Variants in ZFR observed in about 807,000 individuals in gnomAD.
ZFR encodes zinc finger RNA-binding protein.
Under a neutral mutation model 130.7 loss-of-function variants are expected in ZFR, and 19 were observed. That is an observed-to-expected ratio of 0.15 (90% CI 0.10 to 0.21). ZFR has a LOEUF of 0.21. ZFR is among the 10% of genes least tolerant of loss of function. ZFR has a pLI of 1.00. For synonymous variants in ZFR, 466 were observed against 456.9 expected (o/e 1.02, Z -0.25); for missense variants, 872 against 1,321.5 (o/e 0.66, Z 5.27).
At chr5:32,440,309 C>T (rs1446008593) in intron 2 of ZFR, among the ~76,000 whole-genome samples, 1 of 152,156 alleles carries the variant, frequency 6.6e-6, no homozygotes, top group Non-Finnish European at 1.5e-5. Flanking sequence ...CATGTAAACA[C>T]ATACAAACGA....
intron 15 of ZFR, among the ~76,000 whole-genome samples, chr5:32,382,941 C>G (rs1182587624): frequency 6.6e-6 from 1 of 151,984 alleles, no homozygotes; most frequent in African/African-American, 2.4e-5. Flanking sequence ...AAAAAAAAAT[C>G]AGTTAATTTA....
intron 17 of ZFR, among the ~76,000 whole-genome samples, chr5:32,376,970 G>GA (rs57361923): frequency 0.31 from 45,282 of 144,488 alleles, 7,504 homozygotes; most frequent in Middle Eastern, 0.45. Flanking sequence ...CAAGCTGTCT[G>GA]AAAAAAAACC....
chr5:32,377,113 G>A lies in ZFR; in HGVS notation c.2835+2002C>T, dbSNP rs1211019780. ...GGAGCTTGCAGTGAGCCAAGATCGTGCCACTGCACTCCAGCCTGGGCAACA... is the reference window on the plus strand; with the variant it reads ...GGAGCTTGCAGTGAGCCAAGATCGTACCACTGCACTCCAGCCTGGGCAACA... On this transcript the variant is annotated intron_variant, in intron 17 of 19. Coordinates refer to ENST00000265069, the MANE Select transcript of ZFR (RefSeq NM_016107.5). 2.1e-4 allele frequency among the ~76,000 whole-genome samples: 31 copies of A among 149,048 alleles called. 1 individual carries two copies. Among genetic ancestry groups the A allele is most frequent in the Admixed American group, 1.2e-3 (18 of 14,940 alleles).
intron 11 of ZFR, among the ~76,000 whole-genome samples, chr5:32,394,217 C>T (rs1753244350): frequency 6.6e-6 from 1 of 152,104 alleles, no homozygotes; most frequent in Non-Finnish European, 1.5e-5. Context: ...TGTCCATCAA[C>T]TAATGAACGA....
At chr5:32,383,762 G>A (rs972003068) in intron 15 of ZFR, 2 of 456,634 alleles carry the variant, frequency 4.4e-6, no homozygotes, top group South Asian at 1.5e-5. Flanking sequence ...AATACATACC[G>A]TTATTCTGCA....
intron 2 of ZFR, among the ~76,000 whole-genome samples, chr5:32,424,205 A>G (rs1288860951): frequency 1.3e-5 from 2 of 152,236 alleles, no homozygotes; most frequent in Non-Finnish European, 2.9e-5. Flanking sequence ...CAGAGCCAGT[A>G]GACAGGGAGC....
chr5:32,402,784 G>A (rs200045652), intron 8 of ZFR, among the ~76,000 whole-genome samples: 9 of 133,660 alleles, frequency 6.7e-5, no homozygotes, highest in South Asian at 2.4e-4. Flanking sequence ...TCTCAAAAAT[G>A]AAAAAAAAAA....
At chr5:32,390,186 G>T in intron 12 of ZFR, 89 bp downstream of exon 12, 1 of 1,467,852 alleles carries the variant, frequency 6.8e-7, no homozygotes, top group Non-Finnish European at 9.2e-7. Context: ...AGATTATTAA[G>T]TCTAAACATT....
intron 17 of ZFR, among the ~76,000 whole-genome samples, chr5:32,368,596 A>AG (rs1184414782): frequency 6.6e-6 from 1 of 152,224 alleles, no homozygotes; most frequent in Non-Finnish European, 1.5e-5. Context: ...GATTTACAAT[A>AG]GGGCTATTAC....
At chr5:32,425,048 G>A (rs116537875) in intron 2 of ZFR, among the ~76,000 whole-genome samples, 1 of 152,270 alleles carries the variant, frequency 6.6e-6, no homozygotes, top group African/African-American at 2.4e-5. Flanking sequence ...TTTGGGAAGA[G>A]GAGAAATGAG....
chr5:32,403,256 C>T lies in ZFR; in HGVS notation c.1366G>A (p.Val456Met), dbSNP rs1753508761. The change falls in exon 8 of 20, where the codon GTG (valine) becomes ATG (methionine). Residue 456 changes from valine to methionine, a missense_variant. Transcript: ENST00000265069. Reference protein sequence around the residue: ...PSSIAANNCTVNTSSVATSSM... With the variant: ...PSSIAANNCTMNTSSVATSSM... ...GACGTTGCAACTGATGACGTATTCA[C>T]AGTACAATTGTTTGCTGCAATGCTT... 6.2e-7 allele frequency: 1 copy of T among 1,614,176 alleles called. No individual in the cohort carries two copies. The highest frequency in any genetic ancestry group is 1.3e-5 in the African/African-American group (1 of 75,036).
chr5:32,407,081 T>C (rs1437689480), intron 5 of ZFR, 60 bp from the exon 6 acceptor site: 2 of 1,332,562 alleles, frequency 1.5e-6, no homozygotes, highest in Non-Finnish European at 2.0e-6. Flanking sequence ...CAAGTTAAAA[T>C]TTACAAATTT....
intron 7 of ZFR, among the ~76,000 whole-genome samples, chr5:32,403,699 T>A (rs1581699639): frequency 6.6e-6 from 1 of 152,360 alleles, no homozygotes; most frequent in East Asian, 1.9e-4. Flanking sequence ...ATAAATGGTT[T>A]AGTTCAATTT....
chr5:32,412,333 G>C (rs561008623), intron 5 of ZFR, among the ~76,000 whole-genome samples: 1 of 152,274 alleles, frequency 6.6e-6, no homozygotes, highest in African/African-American at 2.4e-5. Context: ...TAAATCATCA[G>C]ATAAATCCAG....
At chr5:32,370,205 G>C (rs2111679124) in intron 17 of ZFR, among the ~76,000 whole-genome samples, 1 of 151,424 alleles carries the variant, frequency 6.6e-6, no homozygotes, top group Middle Eastern at 3.4e-3. Flanking sequence ...GGGACTACAG[G>C]AATGGGCCAC....
chr5:32,415,203 G>T lies in ZFR; in HGVS notation c.566-16C>A. On this transcript the variant is annotated splice_polypyrimidine_tract_variant and intron_variant, in intron 4 of 19. Transcript: ENST00000265069. ...GCTTTGGGGGCTGAAGTAGGAAAGAGACATCAGAAAATTAGAAGAGTAAGC... is the reference window on the plus strand; with the variant it reads ...GCTTTGGGGGCTGAAGTAGGAAAGATACATCAGAAAATTAGAAGAGTAAGC... 6.2e-7 allele frequency: 1 copy of T among 1,611,294 alleles called. No homozygotes were observed. The highest frequency in any genetic ancestry group is 1.1e-5 in the South Asian group (1 of 90,806).
intron 5 of ZFR, among the ~76,000 whole-genome samples, chr5:32,413,488 CTCTT>C (rs1250178097): frequency 1.3e-5 from 2 of 151,530 alleles, no homozygotes; most frequent in East Asian, 1.9e-4. Flanking sequence ...AACTTTTTTT[CTCTT>C]TCTAAAAAAA....
chr5:32,401,962 T>C (rs1038908426), intron 8 of ZFR, among the ~76,000 whole-genome samples: 6 of 152,218 alleles, frequency 3.9e-5, no homozygotes, highest in African/African-American at 1.2e-4. Context: ...TTTTATGACA[T>C]TATTTCATGG....
chr5:32,403,415 A>C lies in ZFR; in HGVS notation c.1225-18T>G. 1 of 1,598,998 alleles carries C rather than the reference A, an allele frequency of 6.3e-7. No homozygotes were observed. Among genetic ancestry groups the C allele is most frequent in the Middle Eastern group, 1.7e-4 (1 of 6,010 alleles). ...TTAACCACCTATAAAACAAAAGCAC[A>C]CTTATTTGTCAGGAAACTCAAATAG... On this transcript the variant is annotated intron_variant, in intron 7 of 19. Transcript: ENST00000265069.
Sources: gnomAD v4.1 joint callset for allele counts (sites outside exome capture counted in the v4.1 genomes callset) on GRCh38, gnomAD v4.1.1 for gene constraint, MANE v1.5 for transcripts, NCBI Gene and HGNC (gene_info 2026-07-23, HGNC 2026-07-21) for gene names.